Variants in NCAPG2 observed in about 807,000 individuals in gnomAD.
NCAPG2 encodes the protein non-SMC condensin II complex subunit G2, also known as condensin-2 complex subunit G2.
Under a neutral mutation model 141.1 loss-of-function variants are expected in NCAPG2, and 53 were observed. The observed-to-expected ratio is 0.38, with a 90% confidence interval of 0.30 to 0.47. The LOEUF is 0.47. Among genes scored for constraint, NCAPG2 ranks in the 20% least tolerant of loss-of-function variants. The pLI, the probability that NCAPG2 is intolerant of heterozygous loss-of-function variation, is 0.99. For missense variants in NCAPG2, 1,087 were observed against 1,389.0 expected (o/e 0.78, Z 3.46); for synonymous variants, 499 against 490.7 (o/e 1.02, Z -0.22).
intron 16 of NCAPG2, 26 bp downstream of exon 16, chr7:158,662,168 G>T: frequency 6.4e-7 from 1 of 1,563,972 alleles, no homozygotes; most frequent in Non-Finnish European, 8.6e-7. Context: ...AATATACCTT[G>T]CTTACAAGTA....
At chr7:158,676,020 C>A (rs912663291) in intron 11 of NCAPG2, among the ~76,000 whole-genome samples, 1 of 152,102 alleles carries the variant, frequency 6.6e-6, no homozygotes, top group South Asian at 2.1e-4. Context: ...ATTTTAGAGC[C>A]CAGAATAAAA....
intron 9 of NCAPG2, among the ~76,000 whole-genome samples, chr7:158,681,485 C>T (rs1438801025): frequency 1.3e-5 from 2 of 152,184 alleles, no homozygotes; most frequent in Non-Finnish European, 2.9e-5. Context: ...CCTTTTGGGG[C>T]TAAACTTTAT....
At position 158,704,344 on chromosome 7, in the gene NCAPG2, C is replaced by T. The variant is rs532298147; in HGVS notation, c.-40+380G>A. ...GAGGGGACACTCTCTGAGGGCAGTT[C>T]CCATGCCCAGGACAGAGGAGGTCGC... On this transcript the variant is annotated intron_variant, in intron 1 of 27. Coordinates refer to ENST00000356309, the MANE Select transcript of NCAPG2 (RefSeq NM_017760.7). 1.1e-4 allele frequency among the ~76,000 whole-genome samples: 17 copies of T among 149,984 alleles called. No individual in the cohort carries two copies. In the South Asian group the frequency reaches 3.4e-3, roughly 30 times the overall value.
intron 7 of NCAPG2, among the ~76,000 whole-genome samples, chr7:158,687,090 G>A (rs1044534449): frequency 5.3e-5 from 8 of 152,134 alleles, no homozygotes; most frequent in East Asian, 1.9e-4. Context: ...TATTACGAGC[G>A]AGGCTAAGGT....
At chr7:158,637,089 A>C (rs1830263321) in intron 27 of NCAPG2, among the ~76,000 whole-genome samples, 1 of 151,920 alleles carries the variant, frequency 6.6e-6, no homozygotes, top group Admixed American at 6.6e-5. Context: ...CTGGGACTAC[A>C]GGCGCCCGCC....
At chr7:158,672,459 C>T (rs1158177842) in intron 12 of NCAPG2, among the ~76,000 whole-genome samples, 5 of 149,300 alleles carry the variant, frequency 3.3e-5, no homozygotes, top group African/African-American at 1.2e-4. Context: ...TCTCCTGCCT[C>T]AGCCCCCCAA....
At chr7:158,651,918 ACT>A (rs548558216) in intron 23 of NCAPG2, among the ~76,000 whole-genome samples, 63 of 152,270 alleles carry the variant, frequency 4.1e-4, no homozygotes, top group African/African-American at 1.4e-3. Flanking sequence ...TATTTGGAAA[ACT>A]CTGTGAACTT....
rs1176883547 is a variant in NCAPG2, at chr7:158,683,470, A to G, written c.838-84T>C. On this transcript the variant is annotated intron_variant, in intron 8 of 27. Coordinates refer to ENST00000356309, the MANE Select transcript of NCAPG2 (RefSeq NM_017760.7). ...ACAAGCAGTGCGGCATTTGAGTACA[A>G]AGAGTCTGACCTGTCCATCTTATAT... is the stretch of plus-strand genomic sequence containing the variant. 3 of 890,566 alleles carry G rather than the reference A, an allele frequency of 3.4e-6. No individual in the cohort carries two copies. In the Admixed American group the frequency reaches 8.3e-5, roughly 25 times the overall value. 55.2% of individuals were successfully genotyped at this position (890,566 alleles called of 1,614,324 possible).
rs1563515129 is a variant in NCAPG2, at chr7:158,654,925, A to T, written c.2646+193T>A. 12 of 1,102,230 alleles carry T rather than the reference A, an allele frequency of 1.1e-5. No individual in the cohort carries two copies. The East Asian group carries it at 2.9e-4, about 27-fold the overall frequency. The allele number at this position is 1,102,230 out of a possible 1,614,324, so 68.3% of individuals were successfully genotyped here. A position where few individuals can be genotyped will look rare whatever the true frequency, so the allele number is the denominator to read the frequency against. On this transcript the variant is annotated intron_variant, in intron 21 of 27. Coordinates refer to ENST00000356309, the MANE Select transcript of NCAPG2 (RefSeq NM_017760.7). ...CATAATCGAACACCTCTTATATGTAATGTATAAAATTACACTGAAAGTATG... is the reference window on the plus strand; with the variant it reads ...CATAATCGAACACCTCTTATATGTATTGTATAAAATTACACTGAAAGTATG...
At chr7:158,651,420 A>G (rs1229287463) in intron 23 of NCAPG2, among the ~76,000 whole-genome samples, 1 of 152,232 alleles carries the variant, frequency 6.6e-6, no homozygotes, top group East Asian at 1.9e-4. Context: ...GAACATTTCA[A>G]ATGAACTCAA....
At chr7:158,647,769 T>C (rs970910952) in intron 24 of NCAPG2, among the ~76,000 whole-genome samples, 12 of 151,996 alleles carry the variant, frequency 7.9e-5, no homozygotes, top group Non-Finnish European at 1.5e-4. Context: ...TCACAAATCA[T>C]AGCTCACTGC....
chr7:158,646,417 A>T, intron 25 of NCAPG2, 43 bp downstream of exon 25: 1 of 1,451,266 alleles, frequency 6.9e-7, no homozygotes, highest in Non-Finnish European at 9.5e-7. Flanking sequence ...GAGCGCTTAC[A>T]GCCACGATGA....
chr7:158,693,816 T>C (rs1457310301), intron 2 of NCAPG2, among the ~76,000 whole-genome samples: 1 of 152,216 alleles, frequency 6.6e-6, no homozygotes, highest in Non-Finnish European at 1.5e-5. Context: ...ATGGCAATAA[T>C]AATACTGTGG....
Position 158,656,532 on chromosome 7 carries a change from G to A in NCAPG2, c.2214+20C>T, listed in dbSNP as rs1831990971. 1.2e-6 allele frequency: 2 copies of A among 1,612,974 alleles called. No individual in the cohort carries two copies. The highest frequency in any genetic ancestry group is 1.7e-6 in the Non-Finnish European group (2 of 1,179,304). On this transcript the variant is annotated intron_variant, in intron 18 of 27. Transcript: ENST00000356309. The stretch of plus-strand genomic sequence containing the variant: ...TTATCCTCACTCACCTAATTTTAAG[G>A]AAACATGATGTCAACCTACCTTGGC...
chr7:158,681,569 CAACTT>C (rs1350384556), intron 9 of NCAPG2, among the ~76,000 whole-genome samples: 1 of 152,180 alleles, frequency 6.6e-6, no homozygotes, highest in East Asian at 1.9e-4. Flanking sequence ...GAGCTTGTAT[CAACTT>C]AACCCTAGAA....
intron 27 of NCAPG2, among the ~76,000 whole-genome samples, chr7:158,637,548 C>A (rs1830348310): frequency 1.3e-5 from 2 of 152,304 alleles, no homozygotes; most frequent in South Asian, 2.1e-4. Flanking sequence ...GCCTGTGGGA[C>A]TCAAGAGAGT....
chr7:158,682,846 T>TATCTAAATTCTGAGATTA (rs1227603368), intron 9 of NCAPG2, among the ~76,000 whole-genome samples: 1 of 152,224 alleles, frequency 6.6e-6, no homozygotes, highest in Non-Finnish European at 1.5e-5. Flanking sequence ...GTAAAGTTCA[T>TATCTAAATTCTGAGATTA]ATCTAAATTC....
At chr7:158,660,730 T>C (rs1832433236) in intron 16 of NCAPG2, among the ~76,000 whole-genome samples, 1 of 152,210 alleles carries the variant, frequency 6.6e-6, no homozygotes, top group South Asian at 2.1e-4. Context: ...AGCTTTACCA[T>C]TTACTGGTAA....
In NCAPG2 at chr7:158,686,315, C is replaced by T. The variant is rs983691337; in HGVS notation, c.768-74G>A. 8.2e-6 allele frequency: 7 copies of T among 855,338 alleles called. No homozygotes were observed. The African/African-American group carries it at 1.1e-4, about 13-fold the overall frequency. 53.0% of individuals were successfully genotyped at this position (855,338 alleles called of 1,614,324 possible). On this transcript the variant is annotated intron_variant, in intron 7 of 27. Transcript: ENST00000356309. ...CTTTCAACATGTATCATTTCAGCTA[C>T]TCTCCAACCATAGTGAAGAAGAAAC...
Sources: allele counts gnomAD v4.1 joint callset (sites outside exome capture counted in the v4.1 genomes callset), GRCh38; gene constraint gnomAD v4.1.1; transcripts MANE v1.5; gene names NCBI Gene and HGNC (gene_info 2026-07-23, HGNC 2026-07-21).